The following HELB variants were observed in gnomAD, a reference collection of about 807,000 sequenced individuals.
HELB encodes the protein DNA helicase B.
A neutral mutation model predicts 101.7 loss-of-function variants in HELB; 96 were observed. That is an observed-to-expected ratio of 0.94 (90% CI 0.80 to 1.12). The LOEUF (loss-of-function observed/expected upper bound fraction) is 1.12, where lower values mean the gene tolerates loss of function less well. Among genes scored for constraint, HELB ranks in the 50% most tolerant of loss-of-function variants. The probability of loss-of-function intolerance (pLI) is 0.00; values close to 1 mark genes in which losing one functional copy is unlikely to be tolerated. For synonymous variants in HELB, 437 were observed against 459.7 expected (o/e 0.95, Z 0.63); for missense variants, 1,210 against 1,291.9 (o/e 0.94, Z 0.97).
In HELB at chr12:66,310,436, C is replaced by G; in HGVS notation, c.1508C>G (p.Ala503Gly). ...EQLEEREVKKACEDFEQDQNA... is the reference protein window; with the variant it reads ...EQLEEREVKKGCEDFEQDQNA... Reference sequence around the variant, plus strand: ...TTGGAAGAAAGAGAAGTAAAAAAAGCCTGTGAAGATTTTGAACAAGACCAG... The same window carrying G: ...TTGGAAGAAAGAGAAGTAAAAAAAGGCTGTGAAGATTTTGAACAAGACCAG... The change falls in exon 4 of 13, where the codon GCC becomes GGC. Residue 503 changes from alanine to glycine, a missense_variant. Physicochemically the swap from Ala to Gly is moderately conservative, Grantham distance 60. This residue lies in a region of HELB where 740 missense variants were observed against 728.8 expected (regional missense o/e 1.02). Coordinates refer to ENST00000247815, the MANE Select transcript of HELB (RefSeq NM_001370285.1). The G allele has an allele frequency of 6.2e-7, 1 of 1,614,062 alleles. No homozygotes were observed. Among genetic ancestry groups the G allele is most frequent in the Middle Eastern group, 1.6e-4 (1 of 6,062 alleles).
At chr12:66,329,208 C>T (rs2053777470) in intron 11 of HELB, among the ~76,000 whole-genome samples, 1 of 152,162 alleles carries the variant, frequency 6.6e-6, no homozygotes, top group Non-Finnish European at 1.5e-5. Context: ...CTGAGGTAGA[C>T]TTAAGTACCA....
intron 11 of HELB, among the ~76,000 whole-genome samples, chr12:66,326,666 C>G (rs1451515120): frequency 2.6e-5 from 4 of 151,616 alleles, no homozygotes; most frequent in Non-Finnish European, 5.9e-5. Flanking sequence ...TAACTTACCC[C>G]ATCTCGATTC....
intron 12 of HELB, among the ~76,000 whole-genome samples, chr12:66,336,260 A>T (rs1404593928): frequency 6.6e-6 from 1 of 152,162 alleles, no homozygotes; most frequent in African/African-American, 2.4e-5. Flanking sequence ...GCAGTAAAAG[A>T]TCCTTTTGAA....
chr12:66,310,652 C>G (rs753405877), intron 4 of HELB, 44 bp downstream of exon 4: 8 of 1,552,520 alleles, frequency 5.2e-6, no homozygotes, highest in Non-Finnish European at 7.0e-6. Flanking sequence ...CATTTGTCGG[C>G]CGGGCACAGT....
In HELB at chr12:66,310,511, C is replaced by T. The variant is rs201414904; in HGVS notation, c.1583C>T (p.Ala528Val). 27 of 1,614,052 alleles carry T rather than the reference C, an allele frequency of 1.7e-5. No individual in the cohort carries two copies. The highest frequency in any genetic ancestry group is 8.3e-5 in the Admixed American group (5 of 60,008). ...TTTACTGAGCAAAGTCAACTAGAGG[C>T]GGACAAGGCTATAGAAGTTTTGCTC... ...ITFTEQSQLE[A>V]DKAIEVLLTA... Residue 528 changes from alanine to valine, a missense_variant, in exon 4 of 13, where the codon GCG becomes GTG. By Grantham distance (64) the Ala-to-Val change is moderately conservative (BLOSUM62 0). Around this residue, in one of 2 missense-constraint regions of HELB, gnomAD observed 740 missense variants for 728.8 expected, o/e 1.02. Transcript: ENST00000247815.
chr12:66,326,292 G>A (rs1222466481), intron 11 of HELB, among the ~76,000 whole-genome samples: 1 of 151,862 alleles, frequency 6.6e-6, no homozygotes, highest in Admixed American at 6.6e-5. Flanking sequence ...GCCCAGGCTG[G>A]AGTGCAGTGG....
chr12:66,327,066 A>AAAAT (rs2053749764), intron 11 of HELB, among the ~76,000 whole-genome samples: 62 of 46,720 alleles, frequency 1.3e-3, no homozygotes, highest in Admixed American at 2.3e-3. Flanking sequence ...AAAAAAAAAA[A>AAAAT]ATATATATAT....
intron 12 of HELB, among the ~76,000 whole-genome samples, chr12:66,334,337 C>T (rs1282856756): frequency 6.6e-6 from 1 of 151,914 alleles, no homozygotes; most frequent in Non-Finnish European, 1.5e-5. Context: ...TAGTGCATAT[C>T]TGTAGTCCCA....
chr12:66,322,628 C>T (rs374066203), intron 8 of HELB, 96 bp from the exon 9 acceptor site: 19 of 660,976 alleles, frequency 2.9e-5, no homozygotes, highest in African/African-American at 1.2e-4. Flanking sequence ...GTCTTGGAAA[C>T]GTTTTGTAGA....
Position 66,305,170 on chromosome 12 carries a change from T to C in HELB, c.607+20T>C, listed in dbSNP as rs756871986. 2.8e-6 allele frequency: 4 copies of C among 1,420,620 alleles called. No homozygotes were observed. The South Asian group carries it at 5.3e-5, about 19-fold the overall frequency. 88.0% of individuals were successfully genotyped at this position (1,420,620 alleles called of 1,614,324 possible). ...ACACAAGTAAGTGTGATTTTTATCA[T>C]CAACTTTCAGTGTAATTGACATACT... On this transcript the variant is annotated intron_variant, in intron 2 of 12. Coordinates refer to ENST00000247815, the MANE Select transcript of HELB (RefSeq NM_001370285.1).
chr12:66,314,017 C>G lies in HELB; in HGVS notation c.1712C>G (p.Thr571Arg). The change falls in exon 5 of 13, where the codon ACA becomes AGA. Residue 571 changes from threonine to arginine, a missense_variant. Coordinates refer to ENST00000247815, the MANE Select transcript of HELB (RefSeq NM_001370285.1). ...VNYSFYSWTQ[T>R]MMTTNKPWKF... ...TATAGCTTCTATTCATGGACTCAAA[C>G]AATGATGACCACAAACAAACCATGG... 1 of 1,613,744 alleles carries G rather than the reference C, an allele frequency of 6.2e-7. No individual in the cohort carries two copies. Among genetic ancestry groups the G allele is most frequent in the South Asian group, 1.1e-5 (1 of 91,070 alleles).
rs1413148929 is a variant in HELB, at chr12:66,310,202, G to A, written c.1274G>A (p.Gly425Asp). Reference sequence around the variant, plus strand: ...GATGTTGTGGACACACAGGACAATGGTGACCATATTTGGACTAATGGTGAA... The same window carrying A: ...GATGTTGTGGACACACAGGACAATGATGACCATATTTGGACTAATGGTGAA... ...PVDVVDTQDNGDHIWTNGENE... is the reference protein window; with the variant it reads ...PVDVVDTQDNDDHIWTNGENE... The change falls in exon 4 of 13, where the codon GGT becomes GAT. Residue 425 changes from glycine (G) to aspartate (D), a missense_variant. Around this residue, in one of 2 missense-constraint regions of HELB, gnomAD observed 470 missense variants for 563.1 expected, o/e 0.83. Transcript: ENST00000247815. 8 of 1,614,140 alleles carry A rather than the reference G, an allele frequency of 5.0e-6. No homozygotes were observed. Among genetic ancestry groups the A allele is most frequent in the Non-Finnish European group, 6.8e-6 (8 of 1,180,026 alleles).
At chr12:66,302,985 GTT>G (rs551432227) in intron 1 of HELB, among the ~76,000 whole-genome samples, 195 bp downstream of exon 1, 1 of 136,654 alleles carries the variant, frequency 7.3e-6, no homozygotes, top group African/African-American at 2.6e-5. Flanking sequence ...ATACTATGTG[GTT>G]TTTTTTTTTT....
chr12:66,339,994 ATTGAAT>A (rs2053905601), downstream of HELB: 1 of 152,234 alleles, frequency 6.6e-6, no homozygotes, highest in Non-Finnish European at 1.5e-5. Flanking sequence ...GATAAAGGAT[ATTGAAT>A]TTGTCCATTC....
At position 66,331,422 on chromosome 12, in the gene HELB, C is replaced by T. The variant is rs1168312; in HGVS notation, c.2939C>T (p.Thr980Ile). 321,514 of 1,613,778 alleles carry T rather than the reference C, an allele frequency of 0.2. 33,789 individuals are homozygous for T. Among genetic ancestry groups the T allele is most frequent in the Admixed American group, 0.23 (13,935 of 60,006 alleles). The change falls in exon 12 of 13, where the codon ACA becomes ATA. Residue 980 changes from threonine to isoleucine, a missense_variant. Physicochemically the swap from Thr to Ile is moderately conservative, Grantham distance 89. Coordinates refer to ENST00000247815, the MANE Select transcript of HELB (RefSeq NM_001370285.1). ...KSSGDSGGPS[T>I]PSASPLPVVT... ...TCTGGAGACAGTGGAGGACCCAGCA[C>T]ACCGTCAGCATCTCCACTCCCTGTA...
intron 3 of HELB, among the ~76,000 whole-genome samples, chr12:66,309,314 A>G (rs553164405): frequency 6.6e-6 from 1 of 152,312 alleles, no homozygotes; most frequent in Admixed American, 6.5e-5. Context: ...AATAATGAAT[A>G]TCTAAAATCT....
At chr12:66,334,942 G>A (rs2053851107) in intron 12 of HELB, among the ~76,000 whole-genome samples, 5 of 152,120 alleles carry the variant, frequency 3.3e-5, no homozygotes, top group Non-Finnish European at 7.4e-5. Context: ...TGGTTGGAGT[G>A]TGGATGCATT....
intron 11 of HELB, among the ~76,000 whole-genome samples, chr12:66,329,768 A>G (rs2053784152): frequency 6.6e-6 from 1 of 152,248 alleles, no homozygotes; most frequent in East Asian, 1.9e-4. Context: ...TATTATTACT[A>G]TATTTTTCTC....
In HELB at chr12:66,324,974, T is replaced by C; in HGVS notation, c.2527-9T>C. The stretch of plus-strand genomic sequence containing the variant: ...AGGTATGCAAAATAGTTCTTTGGTT[T>C]GGTGACAGGATGTAACTGATGTAAC... On this transcript the variant is annotated splice_polypyrimidine_tract_variant and intron_variant, in intron 10 of 12. Transcript: ENST00000247815. The C allele has an allele frequency of 6.2e-7, 1 of 1,612,370 alleles. No individual in the cohort carries two copies. Among genetic ancestry groups the C allele is most frequent in the Non-Finnish European group, 8.5e-7 (1 of 1,178,618 alleles).
Sources: allele counts gnomAD v4.1 joint callset (sites outside exome capture counted in the v4.1 genomes callset), GRCh38; gene constraint gnomAD v4.1.1; regional missense constraint gnomAD v4.1.1; transcripts MANE v1.5; gene names NCBI Gene and HGNC (gene_info 2026-07-23, HGNC 2026-07-21).